Variants in RASSF8 observed in about 807,000 individuals in gnomAD.
RASSF8 encodes the protein ras association domain-containing protein 8.
RASSF8 carries 22 observed loss-of-function variants against 48.5 expected under a neutral mutation model. That is an observed-to-expected ratio of 0.45 (90% CI 0.32 to 0.65). The LOEUF is 0.65. Ranked by LOEUF, RASSF8 falls within the 30% of genes least tolerant of loss-of-function variation. The probability of loss-of-function intolerance (pLI) is 0.03; values close to 1 mark genes in which losing one functional copy is unlikely to be tolerated. For missense variants in RASSF8, 418 were observed against 489.2 expected (o/e 0.85, Z 1.37); for synonymous variants, 127 against 171.5 (o/e 0.74, Z 2.03).
At chr12:26,020,989 T>C (rs979460096) in intron 2 of RASSF8, among the ~76,000 whole-genome samples, 4 of 152,172 alleles carry the variant, frequency 2.6e-5, no homozygotes, top group South Asian at 2.1e-4. Flanking sequence ...GCAGTATTTG[T>C]TTTTTGTTTA....
At chr12:26,024,249 C>T (rs1942854217) in intron 2 of RASSF8, among the ~76,000 whole-genome samples, 1 of 152,128 alleles carries the variant, frequency 6.6e-6, no homozygotes, top group Non-Finnish European at 1.5e-5. Context: ...AATCTTCCCA[C>T]CCCAGCCTCC....
At chr12:25,995,307 G>A (rs1435988506) in intron 2 of RASSF8, among the ~76,000 whole-genome samples, 177 bp downstream of exon 2, 1 of 152,138 alleles carries the variant, frequency 6.6e-6, no homozygotes, top group Non-Finnish European at 1.5e-5. Context: ...CTAAGTATAG[G>A]TGGTGATAGT....
chr12:26,016,281 G>A (rs1942648645), intron 2 of RASSF8, among the ~76,000 whole-genome samples: 1 of 151,204 alleles, frequency 6.6e-6, no homozygotes, highest in Non-Finnish European at 1.5e-5. Flanking sequence ...AATCTCCCTG[G>A]TTTTAAAGTC....
chr12:25,958,633 C>CGCCCGGCCCGGCCCG (rs533183570), upstream of RASSF8: 44 of 145,976 alleles, frequency 3.0e-4, no homozygotes, highest in Non-Finnish European at 4.4e-4. Flanking sequence ...GCCGCCTGGC[C>CGCCCGGCCCGGCCCG]GCCCGGCCCG....
intron 1 of RASSF8, among the ~76,000 whole-genome samples, chr12:25,966,997 G>A (rs1193848306): frequency 1.3e-5 from 2 of 152,216 alleles, no homozygotes; most frequent in African/African-American, 2.4e-5. Context: ...AAATTCAGTT[G>A]TTCCAACACT....
chr12:25,972,283 A>G (rs1422286522), intron 1 of RASSF8, among the ~76,000 whole-genome samples: 2 of 152,190 alleles, frequency 1.3e-5, no homozygotes, highest in Admixed American at 1.3e-4. Flanking sequence ...GGTTATGAGG[A>G]AGAATGAAGT....
chr12:26,006,244 A>G (rs1015491456), intron 2 of RASSF8, among the ~76,000 whole-genome samples: 2 of 152,140 alleles, frequency 1.3e-5, no homozygotes, highest in Admixed American at 6.5e-5. Flanking sequence ...TGTGTTCTGT[A>G]GTTTCAGAAA....
chr12:26,023,266 T>G (rs1942829003), intron 2 of RASSF8, among the ~76,000 whole-genome samples: 1 of 152,188 alleles, frequency 6.6e-6, no homozygotes, highest in Admixed American at 6.5e-5. Context: ...TGAAAACTTC[T>G]GAGATTTGAT....
chr12:25,980,874 TATC>T (rs1330238233), intron 1 of RASSF8, among the ~76,000 whole-genome samples: 17 of 152,346 alleles, frequency 1.1e-4, no homozygotes, highest in Admixed American at 4.6e-4. Flanking sequence ...AGAAAAAGTA[TATC>T]ATCCTGTCTC....
At chr12:25,990,412 T>C (rs1279418959) in intron 1 of RASSF8, among the ~76,000 whole-genome samples, 1 of 152,238 alleles carries the variant, frequency 6.6e-6, no homozygotes, top group Non-Finnish European at 1.5e-5. Flanking sequence ...TTCATCATTG[T>C]AATCCCTGTG....
chr12:25,976,562 T>C (rs1178295930), intron 1 of RASSF8, among the ~76,000 whole-genome samples: 1 of 152,214 alleles, frequency 6.6e-6, no homozygotes, highest in East Asian at 1.9e-4. Flanking sequence ...GAGATGAGCC[T>C]GAAGTGGCCA....
chr12:25,990,478 T>A (rs999363443), intron 1 of RASSF8, among the ~76,000 whole-genome samples: 1 of 152,224 alleles, frequency 6.6e-6, no homozygotes, highest in African/African-American at 2.4e-5. Flanking sequence ...TAATTAATTT[T>A]GGTATTACCA....
intron 1 of RASSF8, among the ~76,000 whole-genome samples, chr12:25,982,355 A>C (rs1366149561): frequency 6.6e-6 from 1 of 152,222 alleles, no homozygotes; most frequent in Admixed American, 6.5e-5. Context: ...GAAACAACAT[A>C]GTTCATATGA....
At chr12:25,971,404 C>T (rs1198158308) in intron 1 of RASSF8, among the ~76,000 whole-genome samples, 2 of 152,074 alleles carry the variant, frequency 1.3e-5, no homozygotes, top group Non-Finnish European at 2.9e-5. Flanking sequence ...TTTTTGGCCT[C>T]CTGAACTAAC....
intron 3 of RASSF8, among the ~76,000 whole-genome samples, chr12:26,056,205 CTTA>C (rs1043102904): frequency 1.3e-5 from 2 of 152,018 alleles, no homozygotes; most frequent in Non-Finnish European, 2.9e-5. Context: ...AAAATAAAAT[CTTA>C]TTATACAGTG....
chr12:25,973,005 C>T (rs974838179), intron 1 of RASSF8, among the ~76,000 whole-genome samples: 4 of 151,944 alleles, frequency 2.6e-5, no homozygotes, highest in Non-Finnish European at 2.9e-5. Context: ...ATTCATATTG[C>T]GTATAACTGT....
At chr12:26,062,462 C>CA (rs1429105600) in intron 3 of RASSF8, among the ~76,000 whole-genome samples, 1 of 152,176 alleles carries the variant, frequency 6.6e-6, no homozygotes, top group East Asian at 1.9e-4. Flanking sequence ...TACATTCTCA[C>CA]TTGAGTCTCA....
chr12:26,056,953 C>T (rs934232398), intron 3 of RASSF8, among the ~76,000 whole-genome samples: 8 of 150,574 alleles, frequency 5.3e-5, no homozygotes, highest in Admixed American at 4.0e-4. Context: ...GTGAAGACTA[C>T]GTTTATTAAT....
chr12:26,029,227 C>T lies in RASSF8; in HGVS notation c.-108-26009C>T, dbSNP rs189632355. Among the ~76,000 whole-genome samples the T allele has an allele frequency of 1.6e-3, 245 of 152,318 alleles. 2 individuals carry two copies. The highest frequency in any genetic ancestry group is 2.6e-3 in the Non-Finnish European group (177 of 68,036). ...GGCTGTTTGCAGCTCTCCTCTTCTCCATTACCAGCATGTCTGCATTAGGGA... is the reference window on the plus strand; with the variant it reads ...GGCTGTTTGCAGCTCTCCTCTTCTCTATTACCAGCATGTCTGCATTAGGGA... On this transcript the variant is annotated intron_variant, in intron 2 of 5. Transcript: ENST00000689635.
Sources: allele counts gnomAD v4.1 joint callset (sites outside exome capture counted in the v4.1 genomes callset), GRCh38; gene constraint gnomAD v4.1.1; transcripts MANE v1.5; gene names NCBI Gene and HGNC (gene_info 2026-07-23, HGNC 2026-07-21).